COL4A1: variants seen among roughly 807,000 people sequenced by gnomAD.
COL4A1 encodes the protein collagen alpha-1(IV) chain.
Under a neutral mutation model 216.6 loss-of-function variants are expected in COL4A1, and 40 were observed. The ratio of observed to expected loss-of-function variants is 0.18; its 90% CI spans 0.14 to 0.24. The LOEUF (loss-of-function observed/expected upper bound fraction) is 0.24, where lower values mean the gene tolerates loss of function less well. COL4A1 is among the 10% of genes least tolerant of loss of function. COL4A1 has a pLI of 1.00. For synonymous variants in COL4A1, 839 were observed against 810.7 expected (o/e 1.03, Z -0.59); for missense variants, 1,628 against 2,196.8 (o/e 0.74, Z 5.18).
chr13:110,169,734 C>G lies in COL4A1; in HGVS notation c.3771G>C (p.Gly1257=), dbSNP rs759474854. Residue 1257 remains glycine, a synonymous_variant, in exon 43 of 52, where the codon GGG becomes GGC. Transcript: ENST00000375820. ...PGLPGPMGPP[G]LPGIDGVKGD... ...CTTTAACTCCATCAATCCCAGGAAG[C>G]CCTGGAGGCCCCATGGGTCCCGGAA... 2.5e-6 allele frequency: 4 copies of G among 1,614,048 alleles called. No homozygotes were observed. Among genetic ancestry groups the G allele is most frequent in the Admixed American group, 3.3e-5 (2 of 60,016 alleles).
At chr13:110,179,456 T>C (rs1259184207) in intron 29 of COL4A1, 35 bp from the exon 30 acceptor site, 4 of 1,613,750 alleles carry the variant, frequency 2.5e-6, no homozygotes, top group Middle Eastern at 1.6e-4. Context: ...AGCAAATTGA[T>C]TTGCAAAGTC....
chr13:110,154,505 T>C (rs3825481), intron 50 of COL4A1, among the ~76,000 whole-genome samples: 10,037 of 152,328 alleles, frequency 0.066, 564 homozygotes, highest in East Asian at 0.26. Context: ...CTCGTGCATG[T>C]TGTAGTAGAA....
Position 110,253,763 on chromosome 13 carries a change from CGT to C in COL4A1, c.85-11031_85-11030del, listed in dbSNP as rs1882372537. Among the ~76,000 whole-genome samples the C allele has an allele frequency of 1.8e-3, 153 of 87,352 alleles. 3 individuals carry two copies. Among genetic ancestry groups the C allele is most frequent in the Non-Finnish European group, 3.0e-3 (106 of 35,104 alleles). The allele number at this position is 87,352 out of a possible 152,430, so 57.3% of individuals were successfully genotyped here. ...TGTATTACATATACATATAATTATA[CGT>C]ATGTATGTATTATATATACGTATAA... is the stretch of plus-strand genomic sequence containing the variant. On this transcript the variant is annotated intron_variant, in intron 1 of 51. Transcript: ENST00000375820.
In COL4A1 at chr13:110,237,355, C is replaced by T. The variant is rs181652873; in HGVS notation, c.144+5320G>A. 2.1e-3 allele frequency among the ~76,000 whole-genome samples: 315 copies of T among 152,270 alleles called. 1 individual carries two copies. The highest frequency in any genetic ancestry group is 3.7e-3 in the Non-Finnish European group (254 of 68,008). ...GCTATAGAAGATGGGGTTAGTTCAG[C>T]GGTATTCCATCCAGGGTGAGTCTGC... On this transcript the variant is annotated intron_variant, in intron 2 of 51. Coordinates refer to ENST00000375820, the MANE Select transcript of COL4A1 (RefSeq NM_001845.6).
chr13:110,185,837 C>T (rs1396660553), intron 26 of COL4A1, among the ~76,000 whole-genome samples: 1 of 152,228 alleles, frequency 6.6e-6, no homozygotes, highest in Non-Finnish European at 1.5e-5. Context: ...AGGGCAGGGA[C>T]CACGTCTGTG....
chr13:110,234,824 T>C (rs1174190859), intron 2 of COL4A1, among the ~76,000 whole-genome samples: 3 of 151,850 alleles, frequency 2.0e-5, no homozygotes, highest in Non-Finnish European at 1.5e-5. Flanking sequence ...GATGGTCTGA[T>C]GATCATATTT....
chr13:110,266,314 G>T (rs192213041), intron 1 of COL4A1, among the ~76,000 whole-genome samples: 1 of 152,190 alleles, frequency 6.6e-6, no homozygotes, highest in Admixed American at 6.5e-5. Context: ...GCAAGCCACC[G>T]TTCTCCATGT....
rs1444468331 is a variant in COL4A1 at position 110,169,523 on chromosome 13, CACAT to C, written c.3876+102_3876+105del. 8.9e-4 allele frequency: 1,387 copies of C among 1,552,252 alleles called. 16 individuals are homozygous for C. The African/African-American group carries it at 0.016, about 18-fold the overall frequency. On this transcript the variant is annotated intron_variant, in intron 43 of 51. Transcript: ENST00000375820. ...ACACACACACACACACACACACACA[CACAT>C]ATATATACATACACAAAATACATAC...
At chr13:110,209,958 A>G in intron 10 of COL4A1, 22 bp downstream of exon 10, 2 of 1,613,524 alleles carry the variant, frequency 1.2e-6, no homozygotes, top group Middle Eastern at 3.3e-4. Context: ...ATTGCCTCGG[A>G]GAGACAGCCC....
intron 37 of COL4A1, 40 bp from the exon 38 acceptor site, chr13:110,174,789 C>T (rs1877804442): frequency 6.3e-7 from 1 of 1,587,306 alleles, no homozygotes; most frequent in African/African-American, 1.3e-5. Flanking sequence ...TACATTTGTC[C>T]ATGGGCATGC....
At chr13:110,236,607 T>C (rs1040089887) in intron 2 of COL4A1, among the ~76,000 whole-genome samples, 11 of 152,136 alleles carry the variant, frequency 7.2e-5, no homozygotes, top group Admixed American at 2.0e-4. Context: ...AGCATGGCCA[T>C]GCCCACGTCC....
chr13:110,173,134 T>A (rs575662983), intron 40 of COL4A1, among the ~76,000 whole-genome samples: 1 of 152,124 alleles, frequency 6.6e-6, no homozygotes, highest in African/African-American at 2.4e-5. Flanking sequence ...GCCAAAGAGA[T>A]TTGGGGCAGC....
chr13:110,231,022 C>T (rs112593391), intron 2 of COL4A1, among the ~76,000 whole-genome samples: 254 of 152,320 alleles, frequency 1.7e-3, no homozygotes, highest in African/African-American at 5.9e-3. Flanking sequence ...TGATTAATGA[C>T]GTTGCATCCA....
At chr13:110,212,372 T>A in intron 6 of COL4A1, 45 bp downstream of exon 6, 1 of 1,610,166 alleles carries the variant, frequency 6.2e-7, no homozygotes, top group Non-Finnish European at 8.5e-7. Context: ...TATGCAAAAA[T>A]TACGTAAACA....
At chr13:110,208,514 A>G (rs9583467) in intron 12 of COL4A1, among the ~76,000 whole-genome samples, 39,861 of 152,020 alleles carry the variant, frequency 0.26, 5,415 homozygotes, top group Admixed American at 0.32. Flanking sequence ...TACTCATCTA[A>G]TGGTCAAGTC....
At chr13:110,173,356 T>A (rs1219023970) in intron 40 of COL4A1, among the ~76,000 whole-genome samples, 1 of 152,052 alleles carries the variant, frequency 6.6e-6, no homozygotes, top group Non-Finnish European at 1.5e-5. Flanking sequence ...AAGTCAGGGG[T>A]AACCTGCTTC....
At chr13:110,185,942 G>A (rs780814708) in intron 26 of COL4A1, among the ~76,000 whole-genome samples, 7 of 152,202 alleles carry the variant, frequency 4.6e-5, no homozygotes, top group African/African-American at 1.7e-4. Context: ...GAATGAAATC[G>A]TCATCGCGCT....
At chr13:110,270,838 C>G (rs140125097) in intron 1 of COL4A1, among the ~76,000 whole-genome samples, 37 of 152,216 alleles carry the variant, frequency 2.4e-4, no homozygotes, top group African/African-American at 8.4e-4. Context: ...GCCTAGCCCC[C>G]CTAACTTAGA....
chr13:110,303,716 T>C (rs905117368), intron 1 of COL4A1, among the ~76,000 whole-genome samples: 7 of 152,220 alleles, frequency 4.6e-5, no homozygotes, highest in African/African-American at 1.7e-4. Context: ...ATTCCCCTGA[T>C]TGTGACATTT....
Sources: gnomAD v4.1 joint callset for allele counts (sites outside exome capture counted in the v4.1 genomes callset) on GRCh38, gnomAD v4.1.1 for gene constraint, MANE v1.5 for transcripts, NCBI Gene and HGNC (gene_info 2026-07-23, HGNC 2026-07-21) for gene names.